Variants in APBB2 observed in about 807,000 individuals in gnomAD.
The protein encoded by APBB2 is Fe65-like 1.
In APBB2, 38 loss-of-function variants were observed where a neutral mutation model predicts 82.5. The observed-to-expected ratio is 0.46, with a 90% CI of 0.36 to 0.60. The LOEUF (loss-of-function observed/expected upper bound fraction) is 0.60, where lower values mean the gene tolerates loss of function less well. Ranked by LOEUF, APBB2 falls within the 20% of genes least tolerant of loss-of-function variation. The pLI is 0.00. For missense variants in APBB2, 772 were observed against 972.3 expected, an observed-to-expected ratio of 0.79 and a Z score of 2.74; for synonymous variants, 341 against 368.2, an observed-to-expected ratio of 0.93 and a Z score of 0.85.
At chr4:40,856,059 G>C (rs888191007) in intron 12 of APBB2, among the ~76,000 whole-genome samples, 1 of 152,048 alleles carries the variant, frequency 6.6e-6, no homozygotes, top group African/African-American at 2.4e-5. Context: ...AGCTCGGCTG[G>C]AGGAAGGGCC....
intron 3 of APBB2, among the ~76,000 whole-genome samples, chr4:41,096,389 T>C (rs1250076827): frequency 6.6e-6 from 1 of 152,222 alleles, no homozygotes; most frequent in Non-Finnish European, 1.5e-5. Flanking sequence ...CTTAACGGTA[T>C]GGCTTCCAAA....
At chr4:40,879,442 C>T (rs1767798384) in intron 12 of APBB2, among the ~76,000 whole-genome samples, 1 of 152,142 alleles carries the variant, frequency 6.6e-6, no homozygotes, top group African/African-American at 2.4e-5. Context: ...CCAATTCTGA[C>T]TTCATAAGAG....
At chr4:41,143,980 T>A (rs891798789) in intron 1 of APBB2, among the ~76,000 whole-genome samples, 1 of 152,238 alleles carries the variant, frequency 6.6e-6, no homozygotes, top group South Asian at 2.1e-4. Context: ...AAATAACTTA[T>A]GCTCACTGGT....
rs569168471 is a variant in APBB2 at position 40,938,115 on chromosome 4, G to A, written c.1045-2976C>T. 4.6e-5 allele frequency among the ~76,000 whole-genome samples: 7 copies of A among 152,316 alleles called. No individual in the cohort carries two copies. In the South Asian group the frequency reaches 1.5e-3, roughly 32 times the overall value. On this transcript the variant is annotated intron_variant, in intron 7 of 17. Transcript: ENST00000508593. ...CGGACCAACAGGGACCATCTTCTAT[G>A]AGCAACAAGCTTCCATGAGCCTGGT... is the stretch of plus-strand genomic sequence containing the variant.
intron 10 of APBB2, among the ~76,000 whole-genome samples, chr4:40,907,665 C>CCAGGTGTGTG: frequency 1.5e-5 from 2 of 137,218 alleles, no homozygotes; most frequent in Non-Finnish European, 1.5e-5. Context: ...GCCACTGTGC[C>CCAGGTGTGTG]TGACCCTTTT....
chr4:41,162,921 A>T (rs1765556113), intron 1 of APBB2, among the ~76,000 whole-genome samples: 2 of 152,208 alleles, frequency 1.3e-5, no homozygotes, highest in African/African-American at 4.8e-5. Context: ...GAGTATCAAT[A>T]AGGGCAAGGT....
At chr4:41,165,594 TCTAA>T (rs1766306485) in intron 1 of APBB2, among the ~76,000 whole-genome samples, 1 of 152,190 alleles carries the variant, frequency 6.6e-6, no homozygotes, top group Non-Finnish European at 1.5e-5. Flanking sequence ...AGCAAGTTCA[TCTAA>T]CTATGTGCTT....
At position 40,871,825 on chromosome 4, in the gene APBB2, T is replaced by G. The variant is rs181148511; in HGVS notation, c.1529+18539A>C. Among the ~76,000 whole-genome samples the G allele has an allele frequency of 1.2e-4, 19 of 152,362 alleles. No individual in the cohort carries two copies. In the East Asian group the frequency reaches 3.7e-3, roughly 29 times the overall value. On this transcript the variant is annotated intron_variant, in intron 12 of 17. Coordinates refer to ENST00000508593, the MANE Select transcript of APBB2 (RefSeq NM_004307.2). ...CATCTAATATAAGGATAACATCATGTTGAAGCACACACAAGGAAATCTAAG... is the reference window on the plus strand; with the variant it reads ...CATCTAATATAAGGATAACATCATGGTGAAGCACACACAAGGAAATCTAAG...
chr4:40,823,949 T>TC (rs956933268), intron 15 of APBB2, among the ~76,000 whole-genome samples, 190 bp from the exon 16 acceptor site: 6 of 152,140 alleles, frequency 3.9e-5, no homozygotes, highest in African/African-American at 1.4e-4. Flanking sequence ...ACGCCTGTAA[T>TC]CTCAGCACTT....
chr4:41,090,387 C>G (rs1741263843), intron 3 of APBB2, among the ~76,000 whole-genome samples: 2 of 152,274 alleles, frequency 1.3e-5, no homozygotes, highest in Non-Finnish European at 2.9e-5. Context: ...TTTAAGTGCC[C>G]TCTCTCCTAT....
intron 12 of APBB2, among the ~76,000 whole-genome samples, chr4:40,876,957 A>G (rs1767067823): frequency 6.6e-6 from 1 of 152,130 alleles, no homozygotes; most frequent in Non-Finnish European, 1.5e-5. Flanking sequence ...TTTAACTCTG[A>G]CCTAGGTATT....
chr4:41,162,531 G>C (rs80209625), intron 1 of APBB2, among the ~76,000 whole-genome samples: 6,251 of 152,088 alleles, frequency 0.041, 142 homozygotes, highest in Middle Eastern at 0.058. Flanking sequence ...CCTCTACATA[G>C]ACACACATAC....
intron 11 of APBB2, among the ~76,000 whole-genome samples, chr4:40,891,679 C>T (rs1248621708): frequency 2.0e-5 from 3 of 152,108 alleles, no homozygotes; most frequent in Non-Finnish European, 4.4e-5. Context: ...CTCAAATCTT[C>T]CCCAAAGAGC....
intron 10 of APBB2, among the ~76,000 whole-genome samples, chr4:40,918,051 C>T (rs181867700): frequency 6.6e-6 from 1 of 152,324 alleles, no homozygotes; most frequent in East Asian, 1.9e-4. Flanking sequence ...TCTCACATTG[C>T]TTTTGAAGGA....
chr4:40,833,338 G>A (rs1752714219), intron 12 of APBB2, among the ~76,000 whole-genome samples: 1 of 152,082 alleles, frequency 6.6e-6, no homozygotes, highest in South Asian at 2.1e-4. Context: ...CCACTGCACG[G>A]CACTCCCCGC....
chr4:40,973,125 G>A lies in APBB2; in HGVS notation c.836-28052C>T, dbSNP rs1796355954. 3.9e-5 allele frequency among the ~76,000 whole-genome samples: 6 copies of A among 151,984 alleles called. No homozygotes were observed. In the South Asian group the frequency reaches 8.3e-4, roughly 21 times the overall value. On this transcript the variant is annotated intron_variant, in intron 6 of 17. Transcript: ENST00000508593. Reference sequence around the variant, plus strand: ...TATTCTCCAATTTCCCTTCCAGATCGACCCTCCCTCTTTTCCACCCTGCTG... The same window carrying A: ...TATTCTCCAATTTCCCTTCCAGATCAACCCTCCCTCTTTTCCACCCTGCTG...
intron 1 of APBB2, among the ~76,000 whole-genome samples, chr4:41,162,123 A>G (rs979597802): frequency 6.6e-6 from 1 of 152,066 alleles, no homozygotes; most frequent in African/African-American, 2.4e-5. Context: ...TAACCACAAT[A>G]GTATTAACAC....
At chr4:40,918,373 G>A (rs1780355359) in intron 10 of APBB2, among the ~76,000 whole-genome samples, 2 of 152,222 alleles carry the variant, frequency 1.3e-5, no homozygotes, top group Admixed American at 1.3e-4. Context: ...TGCCACTGGG[G>A]AACCTCTGAG....
intron 6 of APBB2, 46 bp downstream of exon 6, chr4:41,013,536 TA>T (rs75237991): frequency 0.053 from 55,716 of 1,047,942 alleles, no homozygotes; most frequent in South Asian, 0.061. Context: ...GTTGAAAAGA[TA>T]AAAAAAAAAA....
Sources: gnomAD v4.1 joint callset for allele counts (sites outside exome capture counted in the v4.1 genomes callset) on GRCh38, gnomAD v4.1.1 for gene constraint, MANE v1.5 for transcripts, NCBI Gene and HGNC (gene_info 2026-07-23, HGNC 2026-07-21) for gene names.